The following ZNF567 variants were observed in gnomAD, a reference collection of about 807,000 sequenced individuals.
ZNF567 encodes zinc finger protein 567.
A neutral mutation model predicts 53.9 loss-of-function variants in ZNF567; 36 were observed. That is an observed-to-expected ratio of 0.67 (90% CI 0.51 to 0.88). The LOEUF (loss-of-function observed/expected upper bound fraction) is 0.88. Ranked by LOEUF, ZNF567 falls within the 40% of genes least tolerant of loss-of-function variation. The pLI is 0.00. For synonymous variants in ZNF567, 224 were observed against 260.4 expected, an observed-to-expected ratio of 0.86 and a Z score of 1.35; for missense variants, 619 against 764.7, an observed-to-expected ratio of 0.81 and a Z score of 2.25.
rs778824951 is a variant in ZNF567 at position 36,706,679 on chromosome 19, TTG to T, written c.10-5705_10-5704del. 6.1e-4 allele frequency among the ~76,000 whole-genome samples: 76 copies of T among 124,112 alleles called. 12 individuals are homozygous for T. The highest frequency in any genetic ancestry group is 8.7e-4 in the African/African-American group (26 of 29,900). The allele number at this position is 124,112 out of a possible 152,430, so 81.4% of individuals were successfully genotyped here. A position where few individuals can be genotyped will look rare whatever the true frequency, so the allele number is the denominator to read the frequency against. On this transcript the variant is annotated intron_variant, in intron 3 of 5. Coordinates refer to ENST00000682579, the MANE Select transcript of ZNF567 (RefSeq NM_001322917.1). The stretch of plus-strand genomic sequence containing the variant: ...TCCTTTTTACTGTTGGTTTTTTTTT[TTG>T]TTTTTTTTTTGAGACAGGATCTTGT...
At chr19:36,699,836 GT>G (rs2039081756) in intron 3 of ZNF567, among the ~76,000 whole-genome samples, 1 of 147,772 alleles carries the variant, frequency 6.8e-6, no homozygotes, top group Non-Finnish European at 1.5e-5. Context: ...AGACAATGGG[GT>G]TTTCTAGATA....
chr19:36,698,673 C>CA (rs1444941619), intron 3 of ZNF567, among the ~76,000 whole-genome samples: 18 of 151,580 alleles, frequency 1.2e-4, no homozygotes, highest in African/African-American at 4.4e-4. Context: ...CTCTGATGGC[C>CA]AGTGATGATG....
chr19:36,694,586 C>T (rs2038783232), intron 2 of ZNF567, among the ~76,000 whole-genome samples: 1 of 152,064 alleles, frequency 6.6e-6, no homozygotes. Flanking sequence ...AGGAGCTTGC[C>T]CAAAATCCAT....
intron 3 of ZNF567, among the ~76,000 whole-genome samples, chr19:36,697,918 CTTTT>C (rs71171464): frequency 1.5e-5 from 2 of 135,740 alleles, no homozygotes. Context: ...GCTGGAATTT[CTTTT>C]TTTTTTTTTT....
intron 3 of ZNF567, among the ~76,000 whole-genome samples, chr19:36,697,516 C>T (rs1265788458): frequency 3.9e-5 from 6 of 151,964 alleles, no homozygotes; most frequent in Admixed American, 2.6e-4. Flanking sequence ...AGTAGAAGTT[C>T]TAAGAACAGA....
intron 5 of ZNF567, among the ~76,000 whole-genome samples, chr19:36,713,451 C>CAAA (rs34536917): frequency 7.3e-6 from 1 of 136,798 alleles, no homozygotes. Context: ...GAGCCTGTCT[C>CAAA]AAAAAAAAAA....
At chr19:36,697,571 A>C (rs969371909) in intron 3 of ZNF567, among the ~76,000 whole-genome samples, 1 of 150,880 alleles carries the variant, frequency 6.6e-6, no homozygotes, top group African/African-American at 2.4e-5. Flanking sequence ...ATTGTTTTTC[A>C]TTATTAAGTT....
At chr19:36,692,150 T>C (rs750317041) in intron 2 of ZNF567, among the ~76,000 whole-genome samples, 1 of 152,176 alleles carries the variant, frequency 6.6e-6, no homozygotes, top group Non-Finnish European at 1.5e-5. Flanking sequence ...TACATGTCTT[T>C]GTTTGTCATG....
chr19:36,686,299 G>A (rs1458383790), upstream of ZNF567: 1 of 152,180 alleles, frequency 6.6e-6, no homozygotes, highest in Non-Finnish European at 1.5e-5. Context: ...GGCTCTTAGA[G>A]AACCTCAAGG....
At chr19:36,714,291 A>C in intron 5 of ZNF567, 3 of 318,844 alleles carry the variant, frequency 9.4e-6, no homozygotes, top group Admixed American at 4.9e-5. Context: ...CCTCCTAAGT[A>C]GCTGGGATTA....
chr19:36,681,464 C>A, the ZNF567 span, among the ~76,000 whole-genome samples: 1 of 151,260 alleles, frequency 6.6e-6, no homozygotes, highest in Non-Finnish European at 1.5e-5. Context: ...AGGTCTCACG[C>A]TGATGCCCAG....
At position 36,712,431 on chromosome 19, in the gene ZNF567, GAGTGGC is replaced by G; in HGVS notation, c.58_63del (p.Trp20_Gln21del). Reference sequence around the variant, plus strand: ...TGTGACTGTGGACTTCACTCAGGAGGAGTGGCAGCACCTGGATCATGCTCAGAAGAC... The same window carrying G: ...TGTGACTGTGGACTTCACTCAGGAGGAGCACCTGGATCATGCTCAGAAGAC... On this transcript the variant is annotated inframe_deletion, in exon 4 of 6. Coordinates refer to ENST00000682579, the MANE Select transcript of ZNF567 (RefSeq NM_001322917.1). 1 of 1,614,058 alleles carries G rather than the reference GAGTGGC, an allele frequency of 6.2e-7. No homozygotes were observed. The highest frequency in any genetic ancestry group is 1.1e-5 in the South Asian group (1 of 91,074).
At chr19:36,689,236 AGTGT>A (rs59984347) in intron 1 of ZNF567, among the ~76,000 whole-genome samples, 157 bp from the exon 2 acceptor site, 19,113 of 138,652 alleles carry the variant, frequency 0.14, 1,617 homozygotes, top group East Asian at 0.42. Flanking sequence ...CCTATTTGAG[AGTGT>A]GTGTGTGTGT....
At position 36,719,465 on chromosome 19, in the gene ZNF567, CA is replaced by C; in HGVS notation, c.743del (p.Asn248IlefsTer21). The C allele has an allele frequency of 6.2e-7, 1 of 1,609,694 alleles. No individual in the cohort carries two copies. ...TATATAATAAAAAAAGAAGAGCAAC[CA>C]ATATTGAAAAAAAACATACATGCAA... ...SVYNKKRRAT[N>X]IEKKHTCNEC... On this transcript the variant is annotated frameshift_variant, in exon 6 of 6. Coordinates refer to ENST00000682579, the MANE Select transcript of ZNF567 (RefSeq NM_001322917.1). LOFTEE classifies it high-confidence loss of function.
intron 3 of ZNF567, among the ~76,000 whole-genome samples, chr19:36,698,109 G>A (rs1185990637): frequency 1.3e-5 from 2 of 151,788 alleles, no homozygotes; most frequent in Admixed American, 1.3e-4. Flanking sequence ...AGAGTGTGAT[G>A]TTCCCCTTCC....
At chr19:36,716,054 T>G (rs1226793832) in intron 5 of ZNF567, among the ~76,000 whole-genome samples, 2 of 152,230 alleles carry the variant, frequency 1.3e-5, no homozygotes, top group Non-Finnish European at 2.9e-5. Context: ...AAATTTTGTC[T>G]GGATTCATTC....
chr19:36,719,093 C>A lies in ZNF567; in HGVS notation c.369C>A (p.Asn123Lys), dbSNP rs1268456938. The change falls in exon 6 of 6, where the codon AAC (asparagine) becomes AAA (lysine). Residue 123 changes from asparagine to lysine, a missense_variant. By Grantham distance (94) the Asn-to-Lys change is moderately conservative. Coordinates refer to ENST00000682579, the MANE Select transcript of ZNF567 (RefSeq NM_001322917.1). ...AAAAGACATTTACTCTAGGCAAAAA[C>A]CCTGTGAATTCAAAAAATCTACCTC... Reference protein sequence around the residue: ...IYEKTFTLGKNPVNSKNLPPE... With the variant: ...IYEKTFTLGKKPVNSKNLPPE... The A allele has an allele frequency of 6.2e-7, 1 of 1,611,606 alleles. No individual in the cohort carries two copies. The highest frequency in any genetic ancestry group is 8.5e-7 in the Non-Finnish European group (1 of 1,179,420).
the ZNF567 span, among the ~76,000 whole-genome samples, chr19:36,682,359 G>A: frequency 2.0e-5 from 3 of 149,922 alleles, no homozygotes; most frequent in Non-Finnish European, 3.0e-5. Flanking sequence ...TTATCTATAT[G>A]TATCTATATA....
the ZNF567 span, among the ~76,000 whole-genome samples, chr19:36,673,211 GT>G: frequency 6.6e-6 from 1 of 152,310 alleles, no homozygotes; most frequent in African/African-American, 2.4e-5. Flanking sequence ...GTTGTATCAT[GT>G]TAAGCAGAAG....
Sources: allele counts gnomAD v4.1 joint callset (sites outside exome capture counted in the v4.1 genomes callset), GRCh38; gene constraint gnomAD v4.1.1; transcripts MANE v1.5; gene names NCBI Gene and HGNC (gene_info 2026-07-23, HGNC 2026-07-21).